The following GSG1L variants were observed in gnomAD, a reference collection of about 807,000 sequenced individuals.
The protein encoded by GSG1L is GSG1 like.
GSG1L carries 24 observed loss-of-function variants against 42.1 expected under a neutral mutation model. The observed-to-expected ratio is 0.57, with a 90% CI of 0.41 to 0.80. GSG1L has a LOEUF of 0.80. Among genes scored for constraint, GSG1L ranks in the 30% least tolerant of loss-of-function variants. GSG1L has a pLI of 0.00. For synonymous variants in GSG1L, 215 were observed against 203.5 expected, an observed-to-expected ratio of 1.06 and a Z score of -0.48; for missense variants, 445 against 472.2, an observed-to-expected ratio of 0.94 and a Z score of 0.53.
chr16:28,027,846 C>A (rs965038267), intron 1 of GSG1L, among the ~76,000 whole-genome samples: 3 of 152,088 alleles, frequency 2.0e-5, no homozygotes, highest in Non-Finnish European at 4.4e-5. Context: ...CATAATGAGA[C>A]CCTGTCTCTA....
chr16:27,918,276 C>T (rs72784104), intron 2 of GSG1L, among the ~76,000 whole-genome samples: 6,718 of 152,092 alleles, frequency 0.044, 198 homozygotes, highest in South Asian at 0.062. Context: ...AGCTTGACAC[C>T]CAGCAGAAAA....
chr16:27,840,521 T>G (rs940971032), intron 4 of GSG1L, among the ~76,000 whole-genome samples: 2 of 151,712 alleles, frequency 1.3e-5, no homozygotes, highest in African/African-American at 4.8e-5. Flanking sequence ...AAAGGAGGAG[T>G]GGGCAGGAGG....
chr16:27,864,453 T>A (rs987153457), intron 3 of GSG1L, among the ~76,000 whole-genome samples: 33 of 152,160 alleles, frequency 2.2e-4, no homozygotes, highest in African/African-American at 7.7e-4. Context: ...AAACAGCCCT[T>A]CACTGCCTCT....
intron 1 of GSG1L, among the ~76,000 whole-genome samples, chr16:28,048,055 CAAAA>C (rs57485332): frequency 1.3e-5 from 1 of 77,654 alleles, no homozygotes; most frequent in South Asian, 4.4e-4. Flanking sequence ...CTCATCTTTA[CAAAA>C]AAAAAAAAAA....
intron 3 of GSG1L, among the ~76,000 whole-genome samples, chr16:27,870,741 G>T (rs187881692): frequency 6.6e-6 from 1 of 151,424 alleles, no homozygotes. Flanking sequence ...CATCATGGTC[G>T]CAGCCTGGCA....
At chr16:27,943,997 C>CA (rs1022686907) in intron 2 of GSG1L, among the ~76,000 whole-genome samples, 1 of 151,980 alleles carries the variant, frequency 6.6e-6, no homozygotes, top group Admixed American at 6.6e-5. Flanking sequence ...ACTTTATTTA[C>CA]AAAAAAACAC....
intron 3 of GSG1L, among the ~76,000 whole-genome samples, chr16:27,849,812 C>T (rs1302558423): frequency 6.6e-6 from 1 of 151,872 alleles, no homozygotes; most frequent in Non-Finnish European, 1.5e-5. Flanking sequence ...AGGCGTGAGC[C>T]ACTGTGCCCA....
chr16:27,908,710 A>G (rs1420237137), intron 2 of GSG1L, among the ~76,000 whole-genome samples: 1 of 152,186 alleles, frequency 6.6e-6, no homozygotes, highest in Non-Finnish European at 1.5e-5. Context: ...ATTCATGAGG[A>G]TGGAGCCCTC....
intron 2 of GSG1L, among the ~76,000 whole-genome samples, chr16:27,932,179 A>G (rs1254820984): frequency 3.3e-5 from 5 of 152,132 alleles, no homozygotes; most frequent in African/African-American, 4.8e-5. Flanking sequence ...CGGCCTCCCA[A>G]GTAGCTGGGA....
chr16:27,946,637 A>G (rs758890531), intron 2 of GSG1L, among the ~76,000 whole-genome samples: 1,086 of 24,656 alleles, frequency 0.044, 28 homozygotes, highest in African/African-American at 0.062. Flanking sequence ...GAGAGAAAGA[A>G]AGAAAGAAAG....
chr16:27,899,046 C>A (rs1292268836), intron 2 of GSG1L, among the ~76,000 whole-genome samples: 1 of 152,196 alleles, frequency 6.6e-6, no homozygotes, highest in East Asian at 1.9e-4. Context: ...AGAAAGTGTG[C>A]AGTCAGGGAG....
intron 2 of GSG1L, among the ~76,000 whole-genome samples, chr16:27,903,520 G>A (rs972504369): frequency 6.6e-6 from 1 of 152,188 alleles, no homozygotes; most frequent in African/African-American, 2.4e-5. Context: ...TGTCCCACAA[G>A]GACGAGTACT....
intron 2 of GSG1L, among the ~76,000 whole-genome samples, chr16:27,956,689 C>G (rs1369517310): frequency 6.6e-6 from 1 of 152,152 alleles, no homozygotes; most frequent in Non-Finnish European, 1.5e-5. Flanking sequence ...CAAGCACCTA[C>G]TATCCCCTCT....
At chr16:27,938,762 A>T (rs1227959709) in intron 2 of GSG1L, among the ~76,000 whole-genome samples, 2 of 152,250 alleles carry the variant, frequency 1.3e-5, no homozygotes, top group Non-Finnish European at 2.9e-5. Context: ...TTCTGAAAGC[A>T]TGGTGGTAGG....
chr16:27,901,276 C>T (rs2084254166), intron 2 of GSG1L, among the ~76,000 whole-genome samples: 1 of 152,154 alleles, frequency 6.6e-6, no homozygotes, highest in Non-Finnish European at 1.5e-5. Context: ...TCTGCAACCC[C>T]TATAAGGTGT....
chr16:27,973,439 CAA>C (rs71140935), intron 1 of GSG1L, among the ~76,000 whole-genome samples: 986 of 29,770 alleles, frequency 0.033, 6 homozygotes, highest in African/African-American at 0.12. Context: ...GACCCCATCA[CAA>C]AAAAAAAAAA....
At chr16:27,900,871 T>A (rs1282052896) in intron 2 of GSG1L, among the ~76,000 whole-genome samples, 3 of 151,268 alleles carry the variant, frequency 2.0e-5, no homozygotes, top group Non-Finnish European at 4.4e-5. Flanking sequence ...CTCATGCTTA[T>A]AATCCCAGCA....
At chr16:27,924,117 A>G (rs1254559428) in intron 2 of GSG1L, among the ~76,000 whole-genome samples, 1 of 151,924 alleles carries the variant, frequency 6.6e-6, no homozygotes, top group Non-Finnish European at 1.5e-5. Context: ...CATCAGTAAG[A>G]GAAAAATTAT....
At chr16:27,948,706 T>G (rs1227798781) in intron 2 of GSG1L, among the ~76,000 whole-genome samples, 2 of 150,562 alleles carry the variant, frequency 1.3e-5, no homozygotes, top group African/African-American at 4.9e-5. Context: ...ACCTCCCAGG[T>G]TCACGCCATT....
Sources: gnomAD v4.1 joint callset for allele counts (sites outside exome capture counted in the v4.1 genomes callset) on GRCh38, gnomAD v4.1.1 for gene constraint, MANE v1.5 for transcripts, NCBI Gene and HGNC (gene_info 2026-07-23, HGNC 2026-07-21) for gene names.